Variants in INPP5E observed in about 807,000 individuals in gnomAD.
The protein encoded by INPP5E is inositol polyphosphate-5-phosphatase E, also known as phosphatidylinositol polyphosphate 5-phosphatase type IV.
A neutral mutation model predicts 50.5 loss-of-function variants in INPP5E; 34 were observed. That is an observed-to-expected ratio of 0.67 (90% CI 0.51 to 0.90). The LOEUF is 0.90. Among genes scored for constraint, INPP5E ranks in the 40% least tolerant of loss-of-function variants. INPP5E has a pLI of 0.00. For synonymous variants in INPP5E, 447 were observed against 406.0 expected, an observed-to-expected ratio of 1.10 and a Z score of -1.21; for missense variants, 942 against 905.5, an observed-to-expected ratio of 1.04 and a Z score of -0.52.
chr9:136,431,981 G>T lies in INPP5E; in HGVS notation c.1392C>A (p.Asp464Glu). 2 of 1,612,594 alleles carry T rather than the reference G, an allele frequency of 1.2e-6. No homozygotes were observed. The highest frequency in any genetic ancestry group is 8.5e-7 in the Non-Finnish European group (1 of 1,179,894). The change falls in exon 7 of 10, where the codon GAC becomes GAA. Residue 464 changes from aspartate to glutamate, a missense_variant. Physicochemically the swap from Asp to Glu is conservative, Grantham distance 45. Coordinates refer to ENST00000371712, the MANE Select transcript of INPP5E (RefSeq NM_019892.6). ...ACACCTCATCGAAGCGGGTGGTGAC[G>T]TCCGCTGCGGCACAGTGGGCCATGT... ...DTNPYRSSAA[D>E]VTTRFDEVFW...
chr9:136,430,183 A>C, intron 9 of INPP5E, 94 bp downstream of exon 9: 1 of 1,487,180 alleles, frequency 6.7e-7, no homozygotes, highest in Non-Finnish European at 9.1e-7. Flanking sequence ...CAAAGCCCCA[A>C]GTGGAACCCC....
rs2131619286 is a variant in INPP5E at position 136,439,094 on chromosome 9, G to T, written c.326C>A (p.Thr109Asn). The T allele has an allele frequency of 6.3e-7, 1 of 1,578,470 alleles. No individual in the cohort carries two copies. Among genetic ancestry groups the T allele is most frequent in the Non-Finnish European group, 8.6e-7 (1 of 1,163,670 alleles). The change falls in exon 1 of 10, where the codon ACC becomes AAC. Residue 109 changes from threonine (T) to asparagine (N), a missense_variant. Coordinates refer to ENST00000371712, the MANE Select transcript of INPP5E (RefSeq NM_019892.6). The part of the protein sequence containing the change: ...SQEDLEARNG[T>N]SPSRGSVQSE... ...CTGCACTGAGCCCCTGGAGGGACTG[G>T]TCCCATTCCGGGCTTCCAGGTCCTC...
In INPP5E at chr9:136,429,387, A is replaced by T; in HGVS notation, c.*288T>A. 1.9e-6 allele frequency: 1 copy of T among 523,456 alleles called. No homozygotes were observed. The highest frequency in any genetic ancestry group is 3.5e-6 in the Non-Finnish European group (1 of 288,202). The allele number at this position is 523,456 out of a possible 1,614,324, so 32.4% of individuals were successfully genotyped here. ...ACGGATTCTGACGTCTGCCCCCGAG[A>T]GTGGCTGGGGTCCGTGGTGCTGCTG... On this transcript the variant is annotated 3_prime_UTR_variant, in exon 10 of 10. Coordinates refer to ENST00000371712, the MANE Select transcript of INPP5E (RefSeq NM_019892.6).
At chr9:136,433,518 AG>A (rs1049655988) in intron 3 of INPP5E, among the ~76,000 whole-genome samples, 13 of 151,584 alleles carry the variant, frequency 8.6e-5, no homozygotes, top group Admixed American at 7.2e-4. Flanking sequence ...GACCCCAGTG[AG>A]CAGAGCTCCT....
chr9:136,432,436 G>A (rs927809580), intron 6 of INPP5E, 43 bp downstream of exon 6: 30 of 1,369,378 alleles, frequency 2.2e-5, no homozygotes, highest in South Asian at 1.1e-4. Flanking sequence ...GCCCGTGTGC[G>A]AACCACGGCG....
In INPP5E at chr9:136,433,263, G is replaced by A. The variant is rs764667114; in HGVS notation, c.1051C>T (p.Arg351Cys). 1.0e-5 allele frequency: 16 copies of A among 1,587,048 alleles called. No homozygotes were observed. The Admixed American group carries it at 1.7e-4, about 17-fold the overall frequency. The change falls in exon 4 of 10, where the codon CGT becomes TGT. Residue 351 changes from arginine (R) to cysteine (C), a missense_variant. Physicochemically the swap from Arg to Cys is radical, Grantham distance 180. Coordinates refer to ENST00000371712, the MANE Select transcript of INPP5E (RefSeq NM_019892.6). ...TGCGGGCCCAGCGTCTCCTGCAGACGAGTCTCCCACTCCCGCCTGCAGAGG... is the reference window on the plus strand; with the variant it reads ...TGCGGGCCCAGCGTCTCCTGCAGACAAGTCTCCCACTCCCGCCTGCAGAGG... ...GCSDRREWET[R>C]LQETLGPHYV...
In INPP5E at chr9:136,433,147, G is replaced by T; in HGVS notation, c.1159+8C>A. 19 of 1,599,660 alleles carry T rather than the reference G, an allele frequency of 1.2e-5. No homozygotes were observed. The highest frequency in any genetic ancestry group is 1.6e-5 in the Non-Finnish European group (19 of 1,177,162). ...TCCAGCCGCGCCCACCCCTCCAGCC[G>T]CGCCCACCTGAGCAGAACCAGATGA... On this transcript the variant is annotated splice_region_variant and intron_variant, in intron 4 of 9. Coordinates refer to ENST00000371712, the MANE Select transcript of INPP5E (RefSeq NM_019892.6).
chr9:136,439,329 G>C lies in INPP5E; in HGVS notation c.91C>G (p.Pro31Ala), dbSNP rs1392971117. ...RTLQGQLPGA[P>A]PAQRAGSPPD... ...GGGGACCCCGCGCGCTGGGCCGGCG[G>C]AGCGCCGGGAAGCTGTCCTTGGAGC... Residue 31 changes from proline (P) to alanine (A), a missense_variant, in exon 1 of 10, where the codon CCG becomes GCG. Pro to Ala is a conservative substitution (Grantham distance 27). Transcript: ENST00000371712. 5 of 1,410,216 alleles carry C rather than the reference G, an allele frequency of 3.5e-6. No homozygotes were observed. The highest frequency in any genetic ancestry group is 5.8e-5 in the East Asian group (2 of 34,364). The allele number at this position is 1,410,216 out of a possible 1,614,324, so 87.4% of individuals were successfully genotyped here.
In INPP5E at chr9:136,434,080, G is replaced by C. The variant is rs1166437684; in HGVS notation, c.991C>G (p.Gln331Glu). The C allele has an allele frequency of 6.2e-7, 1 of 1,611,084 alleles. No homozygotes were observed. Among genetic ancestry groups the C allele is most frequent in the Non-Finnish European group, 8.5e-7 (1 of 1,179,578 alleles). ...FLLPAEADYA[Q>E]DLYVIGVQEG... is the part of the protein sequence containing the mutation. The stretch of plus-strand genomic sequence containing the variant: ...TGGACCCCGATGACATACAGGTCCT[G>C]GGCATAGTCGGCCTCGGCTGGGAGC... The change falls in exon 3 of 10, where the codon CAG (glutamine) becomes GAG (glutamate). Residue 331 changes from glutamine to glutamate, a missense_variant. Gln to Glu is a conservative substitution (Grantham distance 29). Transcript: ENST00000371712.
In INPP5E at chr9:136,439,629, T is replaced by G; in HGVS notation, c.-210A>C. On this transcript the variant is annotated 5_prime_UTR_variant, in exon 1 of 10. Transcript: ENST00000371712. The stretch of plus-strand genomic sequence containing the variant: ...AGCCCCTCGGGGCTCCCAGACGCCG[T>G]TCCCAGGGCGGTCCGCAGGCAAGGC... 1.1e-5 allele frequency: 4 copies of G among 355,396 alleles called. No homozygotes were observed. Among genetic ancestry groups the G allele is most frequent in the Non-Finnish European group, 2.0e-5 (4 of 199,954 alleles). The allele number at this position is 355,396 out of a possible 1,614,324, so 22.0% of individuals were successfully genotyped here.
chr9:136,430,235 A>G, intron 9 of INPP5E, 42 bp downstream of exon 9: 1 of 1,549,822 alleles, frequency 6.5e-7, no homozygotes, highest in Non-Finnish European at 8.7e-7. Flanking sequence ...CGACGGCACG[A>G]CCCCCAGGCC....
chr9:136,429,361 A>C lies in INPP5E; in HGVS notation c.*314T>G. The C allele has an allele frequency of 2.1e-6, 1 of 466,772 alleles. No homozygotes were observed. The allele number at this position is 466,772 out of a possible 1,614,324, so 28.9% of individuals were successfully genotyped here. On this transcript the variant is annotated 3_prime_UTR_variant, in exon 10 of 10. Transcript: ENST00000371712. Reference sequence around the variant, plus strand: ...CCCCAGGGCACAGGAGCTGCTCAGGAACGGATTCTGACGTCTGCCCCCGAG... The same window carrying C: ...CCCCAGGGCACAGGAGCTGCTCAGGCACGGATTCTGACGTCTGCCCCCGAG...
chr9:136,430,901 G>C lies in INPP5E; in HGVS notation c.1665+101C>G, dbSNP rs1835683121. ...GGTGCAGAGCTGAGTTTCAAGTCCA[G>C]GCCGTCCAGGCTCAGACCCCTGACG... On this transcript the variant is annotated intron_variant, in intron 8 of 9. Transcript: ENST00000371712. 11 of 845,732 alleles carry C rather than the reference G, an allele frequency of 1.3e-5. No homozygotes were observed. In the South Asian group the frequency reaches 1.4e-4, roughly 11 times the overall value. 52.4% of individuals were successfully genotyped at this position (845,732 alleles called of 1,614,324 possible).
In INPP5E at chr9:136,439,584, C is replaced by A; in HGVS notation, c.-165G>T. The A allele has an allele frequency of 2.3e-6, 1 of 435,554 alleles. No individual in the cohort carries two copies. The highest frequency in any genetic ancestry group is 3.8e-6 in the Non-Finnish European group (1 of 265,200). 27.0% of individuals were successfully genotyped at this position (435,554 alleles called of 1,614,324 possible). ...AGGGGCGGGGGCGGCTGCCGCATGGCCCGGGCCCCGAGTCCCGCCAGCCCC... is the reference window on the plus strand; with the variant it reads ...AGGGGCGGGGGCGGCTGCCGCATGGACCGGGCCCCGAGTCCCGCCAGCCCC... On this transcript the variant is annotated 5_prime_UTR_variant, in exon 1 of 10. Coordinates refer to ENST00000371712, the MANE Select transcript of INPP5E (RefSeq NM_019892.6).
Position 136,439,358 on chromosome 9 carries a change from CT to C in INPP5E, c.61del (p.Arg21GlyfsTer113). 1 of 1,445,702 alleles carries C rather than the reference CT, an allele frequency of 6.9e-7. No individual in the cohort carries two copies. Among genetic ancestry groups the C allele is most frequent in the South Asian group, 1.4e-5 (1 of 72,034 alleles). The allele number at this position is 1,445,702 out of a possible 1,614,324, so 89.6% of individuals were successfully genotyped here. A position where few individuals can be genotyped will look rare whatever the true frequency, so the allele number is the denominator to read the frequency against. On this transcript the variant is annotated frameshift_variant, in exon 1 of 10. Coordinates refer to ENST00000371712, the MANE Select transcript of INPP5E (RefSeq NM_019892.6). LOFTEE classifies it high-confidence loss of function. The part of the protein sequence containing the change: ...SEPAPQPPEG[R>X]TLQGQLPGAP... ...GCCGGGAAGCTGTCCTTGGAGCGTC[CT>C]CCCTTCCGGCGGCTGCGGGGCCGGC...
At position 136,438,651 on chromosome 9, in the gene INPP5E, A is replaced by G. The variant is rs772286826; in HGVS notation, c.769T>C (p.Phe257Leu). 1.1e-5 allele frequency: 17 copies of G among 1,582,448 alleles called. No homozygotes were observed. The highest frequency in any genetic ancestry group is 8.6e-7 in the Non-Finnish European group (1 of 1,164,958). ...DCSLRSAKSS[F>L]SLLAPIRSKD... is the part of the protein sequence containing the mutation. ...CTGCGGATGGGCGCCAGGAGGCTGA[A>G]GGAGGATTTGGCCGAGCGAAGGGAA... is the stretch of plus-strand genomic sequence containing the variant. The change falls in exon 1 of 10, where the codon TTC (phenylalanine) becomes CTC (leucine). Residue 257 changes from phenylalanine (F) to leucine (L), a missense_variant. Physicochemically the swap from Phe to Leu is conservative, Grantham distance 22 (BLOSUM62 0). Coordinates refer to ENST00000371712, the MANE Select transcript of INPP5E (RefSeq NM_019892.6).
Position 136,439,406 on chromosome 9 carries a change from G to T in INPP5E, c.14C>A (p.Ala5Glu), listed in dbSNP as rs939098268. 1.7e-5 allele frequency: 25 copies of T among 1,466,814 alleles called. No homozygotes were observed. The highest frequency in any genetic ancestry group is 2.2e-5 in the Non-Finnish European group (24 of 1,115,100). The allele number at this position is 1,466,814 out of a possible 1,614,324, so 90.9% of individuals were successfully genotyped here. Residue 5 changes from alanine (A) to glutamate (E), a missense_variant, in exon 1 of 10, where the codon GCG becomes GAG. Coordinates refer to ENST00000371712, the MANE Select transcript of INPP5E (RefSeq NM_019892.6). ...CGGCTCGGAGGGCCGCAGATTCTCC[G>T]CCTTGGACGGCATGGACGGTCTCTC... The part of the protein sequence containing the change: MPSK[A>E]ENLRPSEPAP...
chr9:136,435,331 C>T (rs115137315), intron 1 of INPP5E, among the ~76,000 whole-genome samples: 25 of 152,230 alleles, frequency 1.6e-4, no homozygotes, highest in African/African-American at 5.5e-4. Flanking sequence ...GTGGCTTTGA[C>T]GCACTTTTGG....
At chr9:136,435,110 G>GGGC (rs1007423751) in intron 1 of INPP5E, among the ~76,000 whole-genome samples, 6 of 152,180 alleles carry the variant, frequency 3.9e-5, no homozygotes, top group Admixed American at 1.3e-4. Flanking sequence ...AGGCATGAGA[G>GGGC]GGTGACGGTT....
Sources: gnomAD v4.1 joint callset for allele counts (sites outside exome capture counted in the v4.1 genomes callset) on GRCh38, gnomAD v4.1.1 for gene constraint, MANE v1.5 for transcripts, NCBI Gene and HGNC (gene_info 2026-07-23, HGNC 2026-07-21) for gene names.